The following PTH2R variants were observed in gnomAD, a reference collection of about 807,000 sequenced individuals.
PTH2R encodes PTH2 receptor.
PTH2R carries 59 observed loss-of-function variants against 60.3 expected under a neutral mutation model. The observed-to-expected ratio is 0.98, with a 90% CI of 0.79 to 1.22. PTH2R has a LOEUF of 1.22. Ranked by LOEUF, PTH2R falls within the 50% of genes most tolerant of loss-of-function variation. PTH2R has a pLI of 0.00. For synonymous variants in PTH2R, 256 were observed against 243.8 expected (o/e 1.05, Z -0.47); for missense variants, 749 against 682.6 (o/e 1.10, Z -1.08).
At chr2:208,492,589 CT>C (rs1246665509) in intron 12 of PTH2R, among the ~76,000 whole-genome samples, 27 of 152,002 alleles carry the variant, frequency 1.8e-4, no homozygotes, top group Non-Finnish European at 2.4e-4. Flanking sequence ...CCTTATCCCT[CT>C]TGATTTTTAT....
chr2:208,449,318 A>G (rs981166988), intron 7 of PTH2R, among the ~76,000 whole-genome samples: 1 of 152,186 alleles, frequency 6.6e-6, no homozygotes, highest in African/African-American at 2.4e-5. Context: ...GTTAATTTTG[A>G]CTGCTTCACC....
chr2:208,408,969 C>T (rs71418689), intron 1 of PTH2R, among the ~76,000 whole-genome samples: 3,727 of 151,998 alleles, frequency 0.025, 47 homozygotes, highest in Middle Eastern at 0.041. Context: ...GAGTATTTAG[C>T]GCCACCCTGT....
intron 9 of PTH2R, among the ~76,000 whole-genome samples, chr2:208,479,498 G>A (rs1208549924): frequency 1.3e-5 from 2 of 152,172 alleles, no homozygotes; most frequent in African/African-American, 4.8e-5. Flanking sequence ...GCCGGTGACT[G>A]TTGTCTTAGA....
chr2:208,407,090 T>C lies in PTH2R; in HGVS notation c.47T>C (p.Leu16Pro). The C allele has an allele frequency of 7.2e-7, 1 of 1,395,214 alleles. No homozygotes were observed. Among genetic ancestry groups the C allele is most frequent in the Non-Finnish European group, 9.4e-7 (1 of 1,067,576 alleles). 86.4% of individuals were successfully genotyped at this position (1,395,214 alleles called of 1,614,324 possible). ...CTCCACGTCTGGGGTTGGCTAATGC[T>C]CGGCAGCTGCCTCCTGGCCAGAGCC... ...ASLHVWGWLM[L>P]GSCLLARAQL... The change falls in exon 1 of 13, where the codon CTC (leucine) becomes CCC (proline). Residue 16 changes from leucine (L) to proline (P), a missense_variant. Transcript: ENST00000272847.
Position 208,407,119 on chromosome 2 carries a change from G to A in PTH2R, c.75+1G>A, listed in dbSNP as rs199669887. The A allele has an allele frequency of 1.4e-4, 200 of 1,402,450 alleles. No individual in the cohort carries two copies. The highest frequency in any genetic ancestry group is 2.4e-4 in the Admixed American group (8 of 33,712). 86.9% of individuals were successfully genotyped at this position (1,402,450 alleles called of 1,614,324 possible). Reference sequence around the variant, plus strand: ...CAGCTGCCTCCTGGCCAGAGCCCAGGTAAGAGCCAGTGCTCCGCGACACCT... The same window carrying A: ...CAGCTGCCTCCTGGCCAGAGCCCAGATAAGAGCCAGTGCTCCGCGACACCT... On this transcript the variant is annotated splice_donor_variant, in intron 1 of 12. Coordinates refer to ENST00000272847, the MANE Select transcript of PTH2R (RefSeq NM_005048.4). LOFTEE classifies it high-confidence loss of function.
chr2:208,438,013 A>C, intron 4 of PTH2R, 132 bp downstream of exon 4: 2 of 1,221,734 alleles, frequency 1.6e-6, no homozygotes, highest in Non-Finnish European at 1.1e-6. Context: ...AGATAAAAGC[A>C]ATGTTGCAAT....
At chr2:208,366,231 G>T (rs1700590187) in intron 1 of PTH2R, among the ~76,000 whole-genome samples, 2 of 151,446 alleles carry the variant, frequency 1.3e-5, no homozygotes, top group South Asian at 4.3e-4. Flanking sequence ...CTAGTTATTG[G>T]TCTATTTATA....
chr2:208,412,647 G>A (rs1326470308), intron 1 of PTH2R, among the ~76,000 whole-genome samples: 3 of 152,168 alleles, frequency 2.0e-5, no homozygotes, highest in Admixed American at 1.3e-4. Flanking sequence ...TGTAGTCCAC[G>A]TTTTACTATA....
chr2:208,492,198 G>A (rs114163416), intron 12 of PTH2R, among the ~76,000 whole-genome samples: 171 of 152,330 alleles, frequency 1.1e-3, no homozygotes, highest in African/African-American at 3.8e-3. Flanking sequence ...CTATCCACGA[G>A]CCTTCTTTTC....
At chr2:208,393,965 C>T (rs759873865) in intron 1 of PTH2R, among the ~76,000 whole-genome samples, 12 of 152,100 alleles carry the variant, frequency 7.9e-5, no homozygotes, top group Admixed American at 3.3e-4. Context: ...ATAGCTGTCT[C>T]GGATTACTCC....
At chr2:208,448,517 C>T (rs962603631) in intron 7 of PTH2R, among the ~76,000 whole-genome samples, 4 of 150,860 alleles carry the variant, frequency 2.7e-5, no homozygotes, top group Non-Finnish European at 4.4e-5. Flanking sequence ...GCCTGCAGTC[C>T]CAGCTGCTGG....
chr2:208,384,445 T>A (rs1323151631), intron 1 of PTH2R, among the ~76,000 whole-genome samples: 1 of 152,164 alleles, frequency 6.6e-6, no homozygotes, highest in African/African-American at 2.4e-5. Context: ...TGAAAGGTGT[T>A]CTCAGCCTGA....
intron 10 of PTH2R, among the ~76,000 whole-genome samples, chr2:208,484,774 C>T (rs541870669): frequency 9.2e-5 from 14 of 152,234 alleles, no homozygotes; most frequent in African/African-American, 3.4e-4. Flanking sequence ...GGTTTTAAGG[C>T]CGCATCCATC....
At chr2:208,406,105 G>A (rs1315238407), upstream of PTH2R, among the ~76,000 whole-genome samples, 1 of 152,168 alleles carries the variant, frequency 6.6e-6, no homozygotes, top group Non-Finnish European at 1.5e-5. Context: ...TATGTAATTT[G>A]CTCAGGGTTA....
At chr2:208,370,193 C>CA (rs1406592471) in intron 1 of PTH2R, among the ~76,000 whole-genome samples, 2 of 151,992 alleles carry the variant, frequency 1.3e-5, no homozygotes, top group African/African-American at 4.8e-5. Flanking sequence ...CCTGTAATCA[C>CA]AGCACTTCGG....
intron 1 of PTH2R, among the ~76,000 whole-genome samples, chr2:208,398,889 G>A (rs1327869455): frequency 6.6e-6 from 1 of 152,108 alleles, no homozygotes; most frequent in African/African-American, 2.4e-5. Flanking sequence ...CAAACACCAG[G>A]CACAAATAAA....
intron 11 of PTH2R, among the ~76,000 whole-genome samples, chr2:208,490,072 C>A (rs911392504): frequency 2.0e-5 from 3 of 151,862 alleles, no homozygotes; most frequent in African/African-American, 7.3e-5. Flanking sequence ...TCTTGCATAA[C>A]CCTTCTCATT....
At chr2:208,489,236 T>C (rs768986289) in intron 11 of PTH2R, 86 bp downstream of exon 11, 48 of 1,531,124 alleles carry the variant, frequency 3.1e-5, no homozygotes, top group South Asian at 1.7e-4. Context: ...CTCTGCACTC[T>C]CTCTGGCTTT....
intron 1 of PTH2R, among the ~76,000 whole-genome samples, chr2:208,394,849 ATTATTAAGTAC>A (rs1177959130): frequency 6.6e-6 from 1 of 152,124 alleles, no homozygotes; most frequent in Non-Finnish European, 1.5e-5. Flanking sequence ...AATTAATACT[ATTATTAAGTAC>A]TTATTAAGTA....
Sources: gnomAD v4.1 joint callset for allele counts (sites outside exome capture counted in the v4.1 genomes callset) on GRCh38, gnomAD v4.1.1 for gene constraint, MANE v1.5 for transcripts, NCBI Gene and HGNC (gene_info 2026-07-23, HGNC 2026-07-21) for gene names.